USP16: variants seen among roughly 807,000 people sequenced by gnomAD.
The protein encoded by USP16 is ubiquitin specific peptidase 16, also known as ubiquitin carboxyl-terminal hydrolase 16.
USP16 carries 77 observed loss-of-function variants against 95.9 expected under a neutral mutation model. The ratio of observed to expected loss-of-function variants is 0.80; its 90% CI spans 0.67 to 0.97. USP16 has a LOEUF of 0.97. Among genes scored for constraint, USP16 ranks in the 50% least tolerant of loss-of-function variants. The pLI is 0.00. For missense variants in USP16, 943 were observed against 959.9 expected (o/e 0.98, Z 0.23); for synonymous variants, 303 against 318.2 (o/e 0.95, Z 0.51).
chr21:29,046,128 T>G (rs2085319690), intron 13 of USP16, among the ~76,000 whole-genome samples: 1 of 152,052 alleles, frequency 6.6e-6, no homozygotes, highest in Non-Finnish European at 1.5e-5. Flanking sequence ...CTGGCCTAAA[T>G]AACTTTTCTT....
chr21:29,025,559 C>CT (rs977499125), intron 1 of USP16: 6 of 159,734 alleles, frequency 3.8e-5, no homozygotes, highest in African/African-American at 1.4e-4. Flanking sequence ...AGTGACCCCT[C>CT]TGTCCTCTGC....
At chr21:29,037,976 T>G (rs913949047) in intron 6 of USP16, among the ~76,000 whole-genome samples, 7 of 152,340 alleles carry the variant, frequency 4.6e-5, no homozygotes, top group South Asian at 2.1e-4. Context: ...TATTGCTGCT[T>G]CTTTCATGGA....
chr21:29,043,269 AT>A, intron 12 of USP16, 153 bp from the exon 13 acceptor site: 1 of 514,670 alleles, frequency 1.9e-6, no homozygotes, highest in East Asian at 3.6e-5. Flanking sequence ...AGTGTATGAG[AT>A]AAACGAATTT....
chr21:29,037,833 C>G (rs762945697), intron 6 of USP16, among the ~76,000 whole-genome samples: 84 of 151,836 alleles, frequency 5.5e-4, no homozygotes, highest in Admixed American at 5.9e-4. Flanking sequence ...CCGTCCACCC[C>G]CTTTGGCCAC....
chr21:29,038,541 A>T (rs1437856221), intron 7 of USP16, 111 bp downstream of exon 7: 12 of 839,322 alleles, frequency 1.4e-5, no homozygotes, highest in Non-Finnish European at 2.3e-5. Context: ...GTTTTGTTTT[A>T]CTTTAGGCTA....
chr21:29,044,154 A>G (rs1327464332), intron 13 of USP16, among the ~76,000 whole-genome samples: 2 of 152,006 alleles, frequency 1.3e-5, no homozygotes, highest in African/African-American at 2.4e-5. Context: ...GGCTGGTCTC[A>G]AACTCCTGAC....
At position 29,043,609 on chromosome 21, in the gene USP16, T is replaced by C. The variant is rs1286739942; in HGVS notation, c.1356+10T>C. The C allele has an allele frequency of 2.6e-6, 4 of 1,526,822 alleles. No homozygotes were observed. In the African/African-American group the frequency reaches 5.7e-5, roughly 22 times the overall value. The allele number at this position is 1,526,822 out of a possible 1,614,324, so 94.6% of individuals were successfully genotyped here. A position where few individuals can be genotyped will look rare whatever the true frequency, so the allele number is the denominator to read the frequency against. On this transcript the variant is annotated intron_variant, in intron 13 of 17. Coordinates refer to ENST00000399976, the MANE Select transcript of USP16 (RefSeq NM_006447.3). Reference sequence around the variant, plus strand: ...CAAAAAGCAAGCCAAGGTGGGTAATTAGGAGGAAAATCATATGCTTGTAAT... The same window carrying C: ...CAAAAAGCAAGCCAAGGTGGGTAATCAGGAGGAAAATCATATGCTTGTAAT...
chr21:29,025,672 C>A (rs2084976206), intron 1 of USP16: 4 of 902,646 alleles, frequency 4.4e-6, no homozygotes, highest in Admixed American at 6.2e-5. Flanking sequence ...CTGCAGACTT[C>A]TGACTTCTCA....
At chr21:29,035,584 G>T (rs1708756141) in intron 4 of USP16, among the ~76,000 whole-genome samples, 1 of 151,776 alleles carries the variant, frequency 6.6e-6, no homozygotes, top group Non-Finnish European at 1.5e-5. Context: ...ATGTTGGTCA[G>T]GCTGGTCTCA....
intron 2 of USP16, among the ~76,000 whole-genome samples, chr21:29,028,627 G>T (rs112184186): frequency 2.0e-5 from 3 of 151,770 alleles, no homozygotes; most frequent in African/African-American, 4.8e-5. Context: ...GTAGAGACAG[G>T]GTTTCACCAT....
intron 5 of USP16, among the ~76,000 whole-genome samples, chr21:29,036,795 C>G (rs2085163448): frequency 6.6e-6 from 1 of 152,232 alleles, no homozygotes; most frequent in Non-Finnish European, 1.5e-5. Context: ...AATTGGCTGA[C>G]ATACAGCATT....
chr21:29,031,741 G>A (rs1347568819), intron 3 of USP16, among the ~76,000 whole-genome samples: 1 of 152,166 alleles, frequency 6.6e-6, no homozygotes, highest in Non-Finnish European at 1.5e-5. Context: ...GCCCAGCCAG[G>A]ATTTTTTGTT....
In USP16 at chr21:29,046,866, C is replaced by T. The variant is rs2085332053; in HGVS notation, c.1556C>T (p.Ala519Val). The T allele has an allele frequency of 6.2e-7, 1 of 1,613,840 alleles. No homozygotes were observed. Among genetic ancestry groups the T allele is most frequent in the Admixed American group, 1.7e-5 (1 of 59,982 alleles). ...AACCAGAAAGATTTGAATGGCCAAG[C>T]AAAAATGATCGAAAGTGTAACTGAC... is the stretch of plus-strand genomic sequence containing the variant. ...CVNQKDLNGQ[A>V]KMIESVTDNQ... The change falls in exon 14 of 18, where the codon GCA becomes GTA. Residue 519 changes from alanine (A) to valine (V), a missense_variant. Transcript: ENST00000399976.
At chr21:29,026,070 GC>G (rs747435848) in intron 1 of USP16, among the ~76,000 whole-genome samples, 2 of 152,330 alleles carry the variant, frequency 1.3e-5, no homozygotes, top group East Asian at 3.9e-4. Flanking sequence ...GAAATGGAGA[GC>G]TTCCAAGATT....
chr21:29,037,104 G>T (rs1204246735), intron 5 of USP16, among the ~76,000 whole-genome samples, 172 bp from the exon 6 acceptor site: 1 of 151,618 alleles, frequency 6.6e-6, no homozygotes. Flanking sequence ...TGGGTTTTGT[G>T]TTTTTTTTCT....
At chr21:29,030,296 T>C (rs2085058666) in intron 2 of USP16, among the ~76,000 whole-genome samples, 2 of 152,102 alleles carry the variant, frequency 1.3e-5, no homozygotes, top group South Asian at 4.1e-4. Flanking sequence ...ATAAGTATGA[T>C]AAAGGGCCTT....
rs751982329 is a variant in USP16 at position 29,042,529 on chromosome 21, G to T, written c.1179+1G>T. ...GTCCCTCCCAGTTTTAGATGATCAG[G>T]TAAGACTATTGAATTTATTTTATTC... On this transcript the variant is annotated splice_donor_variant, in intron 12 of 17. Transcript: ENST00000399976. LOFTEE classifies it high-confidence loss of function. The T allele has an allele frequency of 6.9e-6, 11 of 1,597,602 alleles. No homozygotes were observed. The highest frequency in any genetic ancestry group is 6.0e-6 in the Non-Finnish European group (7 of 1,174,334).
intron 17 of USP16, 22 bp from the exon 18 acceptor site, chr21:29,054,039 GTTTGA>G (rs1192057058): frequency 2.5e-6 from 4 of 1,613,656 alleles, no homozygotes; most frequent in Admixed American, 1.7e-5. Context: ...TTCCATTTAT[GTTTGA>G]TTTTTCATTT....
chr21:29,051,502 A>G (rs2085413129), intron 16 of USP16, among the ~76,000 whole-genome samples: 1 of 152,214 alleles, frequency 6.6e-6, no homozygotes, highest in African/African-American at 2.4e-5. Flanking sequence ...GTAGAAAGTG[A>G]GGACACCACA....
Sources: gnomAD v4.1 joint callset for allele counts (sites outside exome capture counted in the v4.1 genomes callset) on GRCh38, gnomAD v4.1.1 for gene constraint, MANE v1.5 for transcripts, NCBI Gene and HGNC (gene_info 2026-07-23, HGNC 2026-07-21) for gene names.